Variants in UBAP2 observed in about 807,000 individuals in gnomAD.
UBAP2 encodes ubiquitin-associated protein 2.
In UBAP2, 75 loss-of-function variants were observed where a neutral mutation model predicts 139.6. The observed-to-expected ratio is 0.54, with a 90% CI of 0.45 to 0.65. The LOEUF (loss-of-function observed/expected upper bound fraction) is 0.65, where lower values mean the gene tolerates loss of function less well. UBAP2 is among the 30% of genes least tolerant of loss of function. The probability of loss-of-function intolerance (pLI) is 0.00; values close to 1 mark genes in which losing one functional copy is unlikely to be tolerated. For missense variants in UBAP2, 1,368 were observed against 1,369.6 expected, an observed-to-expected ratio of 1.00 and a Z score of 0.02; for synonymous variants, 526 against 526.2, an observed-to-expected ratio of 1.00 and a Z score of 0.01.
rs1157713689 is a variant in UBAP2, at chr9:33,934,257, T to C, written c.1970-629A>G. ...TCTCAGAGCACATAAATGAGCTTCG[T>C]AGGCTTCAGAAAGGATGTGGAGACA... On this transcript the variant is annotated intron_variant, in intron 17 of 28. Transcript: ENST00000379238. 5 of 156,606 alleles carry C rather than the reference T, an allele frequency of 3.2e-5. 1 individual carries two copies. In the Middle Eastern group the frequency reaches 2.1e-3, roughly 65 times the overall value. The allele number at this position is 156,606 out of a possible 1,614,324, so 9.7% of individuals were successfully genotyped here.
rs1365668664 is a variant in UBAP2, at chr9:33,948,525, G to T, written c.1119C>A (p.Ser373Arg). The change falls in exon 13 of 29, where the codon AGC becomes AGA. Residue 373 changes from serine (S) to arginine (R), a missense_variant. Physicochemically the swap from Ser to Arg is moderately radical, Grantham distance 110 (BLOSUM62 -1). Coordinates refer to ENST00000379238, the MANE Select transcript of UBAP2 (RefSeq NM_001370062.2). ...CTTTCAACTGGTCCAAAATCTGGGAGCTGGTGATGTTTGCCATTTTTGGTG... is the reference window on the plus strand; with the variant it reads ...CTTTCAACTGGTCCAAAATCTGGGATCTGGTGATGTTTGCCATTTTTGGTG... ...LAPPKMANITSSQILDQLKAP... is the reference protein window; with the variant it reads ...LAPPKMANITRSQILDQLKAP... The T allele has an allele frequency of 6.2e-7, 1 of 1,614,082 alleles. No individual in the cohort carries two copies. Among genetic ancestry groups the T allele is most frequent in the African/African-American group, 1.3e-5 (1 of 74,916 alleles).
At chr9:33,989,847 C>A (rs1821546149) in intron 4 of UBAP2, among the ~76,000 whole-genome samples, 1 of 152,100 alleles carries the variant, frequency 6.6e-6, no homozygotes, top group Non-Finnish European at 1.5e-5. Context: ...AGGAATACAA[C>A]CTTGCCTGTT....
intron 6 of UBAP2, among the ~76,000 whole-genome samples, chr9:33,978,697 G>A (rs911522823): frequency 1.4e-4 from 22 of 151,934 alleles, no homozygotes; most frequent in South Asian, 4.2e-4. Context: ...GGAGAATGGC[G>A]TGAACCCAGG....
chr9:34,004,575 G>C (rs1456928919), intron 2 of UBAP2, among the ~76,000 whole-genome samples: 4 of 150,382 alleles, frequency 2.7e-5, no homozygotes, highest in African/African-American at 9.8e-5. Flanking sequence ...GAGGTCAGGA[G>C]ATCGAGACCA....
chr9:33,923,905 T>C lies in UBAP2; in HGVS notation c.2686A>G (p.Thr896Ala), dbSNP rs1823175396. The change falls in exon 24 of 29, where the codon ACA becomes GCA. Residue 896 changes from threonine (T) to alanine (A), a missense_variant. Physicochemically the swap from Thr to Ala is moderately conservative, Grantham distance 58 (BLOSUM62 0). Coordinates refer to ENST00000379238, the MANE Select transcript of UBAP2 (RefSeq NM_001370062.2). ...GGATTCACGAAGGGCTGCTGGGCTG[T>C]GTGGTGGGTCTGTGATTGGCTCTGC... Reference protein sequence around the residue: ...PQQSQSQTHHTAQQPFVNPAL... With the variant: ...PQQSQSQTHHAAQQPFVNPAL... The C allele has an allele frequency of 8.1e-6, 13 of 1,614,174 alleles. No individual in the cohort carries two copies. The highest frequency in any genetic ancestry group is 1.1e-5 in the Non-Finnish European group (13 of 1,180,026).
At chr9:33,998,149 C>G (rs1822352016) in intron 3 of UBAP2, 1 of 152,210 alleles carries the variant, frequency 6.6e-6, no homozygotes, top group Admixed American at 6.5e-5. Context: ...ATCCTGTAAT[C>G]CCAGCACTCT....
chr9:34,047,202 G>C (rs1370046869), intron 1 of UBAP2, among the ~76,000 whole-genome samples: 2 of 152,158 alleles, frequency 1.3e-5, no homozygotes, highest in East Asian at 3.9e-4. Flanking sequence ...GGAAATCAGC[G>C]CTGTGGGAAA....
intron 1 of UBAP2, among the ~76,000 whole-genome samples, chr9:34,035,732 C>A (rs1826308493): frequency 6.6e-6 from 1 of 151,506 alleles, no homozygotes; most frequent in African/African-American, 2.4e-5. Context: ...AAACTGTCAA[C>A]TTCTGTTCAC....
At chr9:34,004,573 G>A (rs1823013434) in intron 2 of UBAP2, among the ~76,000 whole-genome samples, 2 of 150,414 alleles carry the variant, frequency 1.3e-5, no homozygotes, top group South Asian at 4.2e-4. Flanking sequence ...ACGAGGTCAG[G>A]AGATCGAGAC....
At chr9:33,984,179 C>T (rs1821004894) in intron 6 of UBAP2, among the ~76,000 whole-genome samples, 1 of 152,058 alleles carries the variant, frequency 6.6e-6, no homozygotes, top group Non-Finnish European at 1.5e-5. Context: ...GCTGGGATTA[C>T]AGGTATGAGC....
chr9:33,941,135 G>A (rs537665841), intron 16 of UBAP2, among the ~76,000 whole-genome samples: 6 of 152,208 alleles, frequency 3.9e-5, no homozygotes, highest in Admixed American at 1.3e-4. Flanking sequence ...CAATACAACT[G>A]GCAATGACCA....
chr9:33,938,512 A>G (rs774648972), intron 16 of UBAP2, among the ~76,000 whole-genome samples: 4 of 152,122 alleles, frequency 2.6e-5, no homozygotes, highest in Non-Finnish European at 5.9e-5. Context: ...ACAGCTTGTC[A>G]TTGGCCGGGC....
At chr9:33,951,782 T>C (rs1427295537) in intron 12 of UBAP2, among the ~76,000 whole-genome samples, 2 of 152,294 alleles carry the variant, frequency 1.3e-5, no homozygotes, top group East Asian at 3.9e-4. Flanking sequence ...TATCTGAAGA[T>C]TGCTGTAAAA....
chr9:33,926,603 C>T lies in UBAP2; in HGVS notation c.2511+14G>A. On this transcript the variant is annotated intron_variant, in intron 22 of 28. Transcript: ENST00000379238. ...TCTGAACCCTCTGCTCCGACCAGTCCATACCCCACTCACCACTGGCAGCCG... is the reference window on the plus strand; with the variant it reads ...TCTGAACCCTCTGCTCCGACCAGTCTATACCCCACTCACCACTGGCAGCCG... 3 of 1,614,158 alleles carry T rather than the reference C, an allele frequency of 1.9e-6. No individual in the cohort carries two copies. The highest frequency in any genetic ancestry group is 2.5e-6 in the Non-Finnish European group (3 of 1,179,994).
At chr9:33,972,295 A>G (rs1827975276) in intron 7 of UBAP2, among the ~76,000 whole-genome samples, 1 of 152,250 alleles carries the variant, frequency 6.6e-6, no homozygotes, top group African/African-American at 2.4e-5. Flanking sequence ...GAGCCAAAAC[A>G]AATATTACCT....
chr9:33,942,737 A>AGAAAAG (rs34349492), intron 15 of UBAP2, among the ~76,000 whole-genome samples: 7 of 149,196 alleles, frequency 4.7e-5, no homozygotes, highest in South Asian at 2.1e-4. Flanking sequence ...CAAAAAAAAA[A>AGAAAAG]AAAAGAAAAG....
intron 1 of UBAP2, among the ~76,000 whole-genome samples, chr9:34,036,475 A>C (rs932446260): frequency 6.6e-6 from 1 of 152,108 alleles, no homozygotes; most frequent in Non-Finnish European, 1.5e-5. Context: ...TCCCCAGCTC[A>C]AGGAATCCTT....
intron 2 of UBAP2, among the ~76,000 whole-genome samples, chr9:34,003,756 TG>T (rs1345974244): frequency 1.3e-5 from 2 of 151,142 alleles, no homozygotes; most frequent in Non-Finnish European, 2.9e-5. Flanking sequence ...GTTTCACTCT[TG>T]TTGCCCAGGC....
In UBAP2 at chr9:33,935,163, C is replaced by CAGG. The variant is rs1310293296; in HGVS notation, c.1969+675_1969+676insCCT. Among the ~76,000 whole-genome samples, 55 of 87,954 alleles carry CAGG rather than the reference C, an allele frequency of 6.3e-4. 2 individuals carry two copies. The highest frequency in any genetic ancestry group is 1.1e-3 in the Non-Finnish European group (43 of 40,424). The allele number at this position is 87,954 out of a possible 152,430, so 57.7% of individuals were successfully genotyped here. A position where few individuals can be genotyped will look rare whatever the true frequency, so the allele number is the denominator to read the frequency against. ...GTAATCACTGAGCTGTTGGAAGTGG[C>CAGG]GGGGGGGGGGGGTCTCATTTTCTCC... On this transcript the variant is annotated intron_variant, in intron 17 of 28. Coordinates refer to ENST00000379238, the MANE Select transcript of UBAP2 (RefSeq NM_001370062.2).
Sources: allele counts gnomAD v4.1 joint callset (sites outside exome capture counted in the v4.1 genomes callset), GRCh38; gene constraint gnomAD v4.1.1; transcripts MANE v1.5; gene names NCBI Gene and HGNC (gene_info 2026-07-23, HGNC 2026-07-21).